Variants in LRP1B observed in about 807,000 individuals in gnomAD.
The protein encoded by LRP1B is low-density lipoprotein receptor-related protein 1B.
Under a neutral mutation model 556.6 loss-of-function variants are expected in LRP1B, and 217 were observed. The ratio of observed to expected loss-of-function variants is 0.39; its 90% CI spans 0.35 to 0.44. The LOEUF is 0.44. Among genes scored for constraint, LRP1B ranks in the 20% least tolerant of loss-of-function variants. LRP1B has a pLI of 1.00. For missense variants in LRP1B, 5,053 were observed against 5,620.8 expected, an observed-to-expected ratio of 0.90 and a Z score of 3.23; for synonymous variants, 2,047 against 1,865.8, an observed-to-expected ratio of 1.10 and a Z score of -2.50.
At chr2:142,007,464 T>C (rs564358508) in intron 1 of LRP1B, among the ~76,000 whole-genome samples, 2 of 152,296 alleles carry the variant, frequency 1.3e-5, no homozygotes, top group East Asian at 3.9e-4. Flanking sequence ...CTTCCTTATC[T>C]AGTCATTAGA....
At chr2:141,808,600 A>G (rs1193257084) in intron 2 of LRP1B, among the ~76,000 whole-genome samples, 1 of 152,276 alleles carries the variant, frequency 6.6e-6, no homozygotes, top group East Asian at 1.9e-4. Flanking sequence ...TTCACATGAC[A>G]TAATTCACCC....
At chr2:140,963,555 C>T (rs1558766905) in intron 18 of LRP1B, among the ~76,000 whole-genome samples, 1 of 152,114 alleles carries the variant, frequency 6.6e-6, no homozygotes, top group African/African-American at 2.4e-5. Flanking sequence ...CTGTCAGCAT[C>T]ATAAAGACAG....
Position 141,749,021 on chromosome 2 carries a change from CTG to C in LRP1B, c.205+61256_205+61257del, listed in dbSNP as rs758622408. Reference sequence around the variant, plus strand: ...CAGACTTAATTTTATTTGTCTAAATCTGTAATCAATCTAAGAATGGGATGGAG... The same window carrying C: ...CAGACTTAATTTTATTTGTCTAAATCTAATCAATCTAAGAATGGGATGGAG... On this transcript the variant is annotated intron_variant, in intron 2 of 90. Transcript: ENST00000389484. Among the ~76,000 whole-genome samples, 35 of 152,240 alleles carry C rather than the reference CTG, an allele frequency of 2.3e-4. No individual in the cohort carries two copies. The East Asian group carries it at 5.4e-3, about 24-fold the overall frequency.
intron 79 of LRP1B, among the ~76,000 whole-genome samples, chr2:140,333,076 T>C (rs1680893901): frequency 6.6e-6 from 1 of 152,086 alleles, no homozygotes; most frequent in Non-Finnish European, 1.5e-5. Context: ...TCTTGAATTG[T>C]TTCTATGCTT....
intron 82 of LRP1B, among the ~76,000 whole-genome samples, chr2:140,319,025 A>AACAAAGTTATTTAAGTGGTAG (rs1684655566): frequency 6.6e-6 from 1 of 152,138 alleles, no homozygotes; most frequent in Admixed American, 6.6e-5. Context: ...GTCCAAGCAC[A>AACAAAGTTATTTAAGTGGTAG]ACAAAGTTAT....
At chr2:141,621,146 T>C (rs1486344316) in intron 2 of LRP1B, among the ~76,000 whole-genome samples, 5 of 152,166 alleles carry the variant, frequency 3.3e-5, no homozygotes, top group Admixed American at 6.6e-5. Context: ...TTTACATACA[T>C]TGAATGCATA....
chr2:141,728,847 T>C (rs1460892083), intron 2 of LRP1B, among the ~76,000 whole-genome samples: 1 of 152,166 alleles, frequency 6.6e-6, no homozygotes, highest in Non-Finnish European at 1.5e-5. Flanking sequence ...CTCTCACACG[T>C]GATGTTTGGC....
chr2:140,895,695 A>G (rs1693934459), intron 23 of LRP1B, among the ~76,000 whole-genome samples: 1 of 152,146 alleles, frequency 6.6e-6, no homozygotes, highest in African/African-American at 2.4e-5. Flanking sequence ...TGGTAAATGC[A>G]GGGGATTTTA....
At chr2:140,497,852 G>A (rs1689010825) in intron 55 of LRP1B, among the ~76,000 whole-genome samples, 1 of 151,764 alleles carries the variant, frequency 6.6e-6, no homozygotes, top group Non-Finnish European at 1.5e-5. Flanking sequence ...TTTCTGGAAG[G>A]TAAAATTGAT....
At chr2:141,507,277 G>A (rs13001306) in intron 2 of LRP1B, among the ~76,000 whole-genome samples, 58 of 152,006 alleles carry the variant, frequency 3.8e-4, no homozygotes, top group African/African-American at 1.4e-3. Context: ...ATACAAAAAT[G>A]ACTAACCCAG....
rs111699988 is a variant in LRP1B, at chr2:140,942,327, C to A, written c.3136+7908G>T. On this transcript the variant is annotated intron_variant, in intron 20 of 90. Coordinates refer to ENST00000389484, the MANE Select transcript of LRP1B (RefSeq NM_018557.3). ...ATCAAACACACAGCTCACTGGCATT[C>A]CAGGGAGACAGGAAGATTAAGCAAC... Among the ~76,000 whole-genome samples the A allele has an allele frequency of 3.4e-3, 512 of 152,178 alleles. 3 individuals carry two copies. Among genetic ancestry groups the A allele is most frequent in the African/African-American group, 0.012 (491 of 41,520 alleles).
At chr2:140,816,448 C>CAGATACTGTA (rs1179469236) in intron 31 of LRP1B, among the ~76,000 whole-genome samples, 9 of 152,074 alleles carry the variant, frequency 5.9e-5, no homozygotes, top group Non-Finnish European at 1.3e-4. Context: ...TACTTATACC[C>CAGATACTGTA]AGATACTGTA....
At chr2:141,814,267 A>G (rs1351344875) in intron 1 of LRP1B, among the ~76,000 whole-genome samples, 1 of 152,046 alleles carries the variant, frequency 6.6e-6, no homozygotes, top group Admixed American at 6.6e-5. Context: ...CCATATAGGG[A>G]TGTGGGCTTT....
intron 7 of LRP1B, among the ~76,000 whole-genome samples, chr2:141,157,163 A>G (rs1702087562): frequency 6.6e-6 from 1 of 152,194 alleles, no homozygotes; most frequent in African/African-American, 2.4e-5. Context: ...GTAACAGGAT[A>G]TCAATTTTTA....
chr2:141,752,114 A>C (rs1397432170), intron 2 of LRP1B, among the ~76,000 whole-genome samples: 1 of 152,044 alleles, frequency 6.6e-6, no homozygotes, highest in African/African-American at 2.4e-5. Context: ...AGAGGACTAT[A>C]ATTTGTTTTT....
intron 66 of LRP1B, among the ~76,000 whole-genome samples, chr2:140,430,909 C>T (rs1573930505): frequency 1.3e-5 from 2 of 152,160 alleles, no homozygotes; most frequent in African/African-American, 4.8e-5. Flanking sequence ...CCTGCCCAGG[C>T]CTGGCAAATT....
At chr2:140,235,820 TCC>T (rs1680672615) in intron 89 of LRP1B, among the ~76,000 whole-genome samples, 1 of 151,058 alleles carries the variant, frequency 6.6e-6, no homozygotes. Flanking sequence ...AAAATAACCC[TCC>T]TTCATATGAA....
chr2:141,912,436 C>T (rs1361448996), intron 1 of LRP1B, among the ~76,000 whole-genome samples: 2 of 151,966 alleles, frequency 1.3e-5, no homozygotes, highest in East Asian at 1.9e-4. Context: ...CAAAAGGGGT[C>T]GAGACCCCTT....
chr2:140,643,051 CAG>C (rs79829652), intron 41 of LRP1B, among the ~76,000 whole-genome samples: 6,962 of 152,118 alleles, frequency 0.046, 362 homozygotes, highest in East Asian at 0.22. Context: ...AATATGAACA[CAG>C]AGTTTTATTT....
Sources: allele counts gnomAD v4.1 joint callset (sites outside exome capture counted in the v4.1 genomes callset), GRCh38; gene constraint gnomAD v4.1.1; transcripts MANE v1.5; gene names NCBI Gene and HGNC (gene_info 2026-07-23, HGNC 2026-07-21).